SNTB1: variants seen among roughly 807,000 people sequenced by gnomAD.
SNTB1 encodes beta-1-syntrophin.
Under a neutral mutation model 48.9 loss-of-function variants are expected in SNTB1, and 36 were observed. The observed-to-expected ratio is 0.74, with a 90% CI of 0.56 to 0.97. The LOEUF (loss-of-function observed/expected upper bound fraction) is 0.97. SNTB1 is among the 50% of genes least tolerant of loss of function. The pLI is 0.00. For missense variants in SNTB1, 786 were observed against 703.4 expected (o/e 1.12, Z -1.33); for synonymous variants, 299 against 294.6 (o/e 1.01, Z -0.15).
intron 1 of SNTB1, among the ~76,000 whole-genome samples, chr8:120,700,910 C>CA (rs892778872): frequency 6.6e-6 from 1 of 151,552 alleles, no homozygotes; most frequent in Non-Finnish European, 1.5e-5. Context: ...AACACAACAA[C>CA]AAAAAAAGAA....
In SNTB1 at chr8:120,811,853, ATTC is replaced by A; in HGVS notation, c.-13_-11del. 7.5e-7 allele frequency: 1 copy of A among 1,339,558 alleles called. No homozygotes were observed. The allele number at this position is 1,339,558 out of a possible 1,614,324, so 83.0% of individuals were successfully genotyped here. A position where few individuals can be genotyped will look rare whatever the true frequency, so the allele number is the denominator to read the frequency against. ...CCGCCGCTACCGCCATCTTTCCGGC[ATTC>A]TTAAAATGCCATGTGATTGGAAAAG... On this transcript the variant is annotated 5_prime_UTR_variant, in exon 1 of 7. In the 5' UTR this introduces an upstream ATG that the reference lacks. Transcript: ENST00000517992.
At chr8:120,674,032 G>C (rs1278850876) in intron 2 of SNTB1, among the ~76,000 whole-genome samples, 1 of 152,164 alleles carries the variant, frequency 6.6e-6, no homozygotes, top group Non-Finnish European at 1.5e-5. Flanking sequence ...AGCCTCATGG[G>C]TTTGGCAAAC....
chr8:120,626,955 G>A (rs1430596411), intron 3 of SNTB1, among the ~76,000 whole-genome samples: 5 of 152,150 alleles, frequency 3.3e-5, no homozygotes, highest in African/African-American at 1.2e-4. Context: ...TTGTACCTTT[G>A]CTGCACTGTC....
intron 1 of SNTB1, among the ~76,000 whole-genome samples, chr8:120,793,990 A>G (rs1820080939): frequency 6.6e-6 from 1 of 152,040 alleles, no homozygotes. Context: ...ATGTTTTTAT[A>G]CTGTAGAAGG....
chr8:120,653,640 T>A (rs555023707), intron 2 of SNTB1, among the ~76,000 whole-genome samples: 1 of 152,182 alleles, frequency 6.6e-6, no homozygotes, highest in Non-Finnish European at 1.5e-5. Context: ...AGGACTGCAC[T>A]ACTATTTAAA....
chr8:120,679,300 T>C (rs1563849662), intron 2 of SNTB1, among the ~76,000 whole-genome samples: 1 of 152,212 alleles, frequency 6.6e-6, no homozygotes, highest in Non-Finnish European at 1.5e-5. Context: ...GCTGCTGTCC[T>C]TAACAAGCTT....
Position 120,538,866 on chromosome 8 carries a change from C to A in SNTB1, c.*11G>T. 1 of 1,609,644 alleles carries A rather than the reference C, an allele frequency of 6.2e-7. No individual in the cohort carries two copies. The highest frequency in any genetic ancestry group is 1.1e-5 in the South Asian group (1 of 90,772). Reference sequence around the variant, plus strand: ...AGCCCTTCTTTTCTCAAAGGCAAGTCACCCCTGTCTTCAGGCCACCAAGCC... The same window carrying A: ...AGCCCTTCTTTTCTCAAAGGCAAGTAACCCCTGTCTTCAGGCCACCAAGCC... On this transcript the variant is annotated 3_prime_UTR_variant, in exon 7 of 7. Transcript: ENST00000517992.
intron 1 of SNTB1, among the ~76,000 whole-genome samples, chr8:120,729,971 AG>A (rs1171926624): frequency 2.9e-4 from 44 of 152,206 alleles, no homozygotes; most frequent in Admixed American, 2.8e-3. Flanking sequence ...GCAAACACAG[AG>A]CCTGCGAAAG....
chr8:120,794,187 G>A (rs1820083800), intron 1 of SNTB1, among the ~76,000 whole-genome samples: 1 of 151,984 alleles, frequency 6.6e-6, no homozygotes, highest in Admixed American at 6.6e-5. Context: ...ACTTCGAGAA[G>A]TCCTTTAGAC....
intron 3 of SNTB1, among the ~76,000 whole-genome samples, chr8:120,610,608 A>G (rs1816605247): frequency 6.6e-6 from 1 of 152,154 alleles, no homozygotes; most frequent in Admixed American, 6.5e-5. Context: ...AACAGTAAGG[A>G]AAGGAAGAAA....
chr8:120,539,028 G>A, intron 6 of SNTB1, 59 bp from the exon 7 acceptor site: 2 of 1,334,382 alleles, frequency 1.5e-6, no homozygotes, highest in Non-Finnish European at 2.1e-6. Flanking sequence ...ATGTAGATGG[G>A]TGATTTGCAC....
intron 1 of SNTB1, among the ~76,000 whole-genome samples, chr8:120,773,657 G>GA (rs1250166624): frequency 1.3e-5 from 2 of 151,972 alleles, no homozygotes; most frequent in African/African-American, 4.8e-5. Context: ...GCAAGTATGG[G>GA]AAAAAAAAGA....
intron 4 of SNTB1, among the ~76,000 whole-genome samples, chr8:120,569,518 G>T (rs954027326): frequency 1.3e-5 from 2 of 152,170 alleles, no homozygotes; most frequent in Non-Finnish European, 2.9e-5. Flanking sequence ...TTGCTTTTAA[G>T]GAATCACACT....
chr8:120,660,927 G>A lies in SNTB1; in HGVS notation c.789-28276C>T, dbSNP rs1817577726. Among the ~76,000 whole-genome samples, 3 of 152,304 alleles carry A rather than the reference G, an allele frequency of 2.0e-5. 1 individual carries two copies. In the South Asian group the frequency reaches 6.2e-4, roughly 32 times the overall value. ...GGGAGCAAGGGAAGAACAGCCAATCGATGGAGCCGACAGGATACATACAAC... is the reference window on the plus strand; with the variant it reads ...GGGAGCAAGGGAAGAACAGCCAATCAATGGAGCCGACAGGATACATACAAC... On this transcript the variant is annotated intron_variant, in intron 2 of 6. Coordinates refer to ENST00000517992, the MANE Select transcript of SNTB1 (RefSeq NM_021021.4).
intron 1 of SNTB1, among the ~76,000 whole-genome samples, chr8:120,759,125 A>AG (rs1426299347): frequency 3.9e-5 from 6 of 152,146 alleles, no homozygotes; most frequent in African/African-American, 1.4e-4. Flanking sequence ...GTTGTTAATA[A>AG]CAACAAGGAC....
At chr8:120,796,384 T>G (rs868473951) in intron 1 of SNTB1, among the ~76,000 whole-genome samples, 12 of 152,020 alleles carry the variant, frequency 7.9e-5, no homozygotes, top group Middle Eastern at 3.2e-3. Context: ...CGAAATAAGA[T>G]CGCATGTGAG....
At chr8:120,690,260 T>C (rs1818102487) in intron 2 of SNTB1, among the ~76,000 whole-genome samples, 1 of 152,216 alleles carries the variant, frequency 6.6e-6, no homozygotes, top group South Asian at 2.1e-4. Flanking sequence ...GAGGAGTCAG[T>C]ACTATCCATG....
chr8:120,657,199 T>C (rs1444823706), intron 2 of SNTB1, among the ~76,000 whole-genome samples: 2 of 152,184 alleles, frequency 1.3e-5, no homozygotes. Flanking sequence ...ATAATTGAAG[T>C]TGGATGACCC....
chr8:120,792,828 T>C (rs192831472), intron 1 of SNTB1, among the ~76,000 whole-genome samples: 1 of 152,136 alleles, frequency 6.6e-6, no homozygotes, highest in African/African-American at 2.4e-5. Context: ...CATTTCCCTC[T>C]CAAGACTCAT....
Sources: allele counts gnomAD v4.1 joint callset (sites outside exome capture counted in the v4.1 genomes callset), GRCh38; gene constraint gnomAD v4.1.1; transcripts MANE v1.5; gene names NCBI Gene and HGNC (gene_info 2026-07-23, HGNC 2026-07-21).